Variants in USP3 observed in about 807,000 individuals in gnomAD.
The protein encoded by USP3 is ubiquitin specific peptidase 3, also known as ubiquitin carboxyl-terminal hydrolase 3.
In USP3, 20 loss-of-function variants were observed where a neutral mutation model predicts 72.3. The ratio of observed to expected loss-of-function variants is 0.28; its 90% CI spans 0.19 to 0.40. The LOEUF (loss-of-function observed/expected upper bound fraction) is 0.40, where lower values mean the gene tolerates loss of function less well. USP3 is among the 10% of genes least tolerant of loss of function. The pLI, the probability that USP3 is intolerant of heterozygous loss-of-function variation, is 1.00. For missense variants in USP3, 479 were observed against 633.9 expected, an observed-to-expected ratio of 0.76 and a Z score of 2.62; for synonymous variants, 222 against 225.3, an observed-to-expected ratio of 0.99 and a Z score of 0.13.
Position 63,553,826 on chromosome 15 carries a change from G to A in USP3, c.368+28G>A, listed in dbSNP as rs371496273. 2.4e-4 allele frequency: 387 copies of A among 1,593,450 alleles called. 1 individual carries two copies. Among genetic ancestry groups the A allele is most frequent in the African/African-American group, 1.4e-3 (102 of 73,856 alleles). On this transcript the variant is annotated intron_variant, in intron 4 of 14. Coordinates refer to ENST00000380324, the MANE Select transcript of USP3 (RefSeq NM_006537.4). The surrounding 1 kb of genome is among the most constrained non-coding windows in gnomAD (Gnocchi z 4.2). Reference sequence around the variant, plus strand: ...AAGTAATAGGCCTTTGGAAAAAGAAGGGCCTAAGAATGGGGTTGAGGAGTC... The same window carrying A: ...AAGTAATAGGCCTTTGGAAAAAGAAAGGCCTAAGAATGGGGTTGAGGAGTC...
Position 63,504,784 on chromosome 15 carries a change from C to T in USP3, c.45C>T (p.Asp15=), listed in dbSNP as rs543660207. 5 of 1,611,576 alleles carry T rather than the reference C, an allele frequency of 3.1e-6. No homozygotes were observed. Among genetic ancestry groups the T allele is most frequent in the Admixed American group, 3.3e-5 (2 of 59,884 alleles). ...GCTCCAGCGTCTGCATTGCTCCGGA[C>T]TCAGCCAAGTTCCCCAACGGCTCCC... ...HLSSSVCIAP[D]SAKFPNGSPS... is the part of the protein sequence containing the mutation. Residue 15 remains aspartate, a synonymous_variant, in exon 1 of 15, where the codon GAC becomes GAT. Transcript: ENST00000380324.
chr15:63,581,550 ATTTTTTT>A (rs56376454), intron 11 of USP3, among the ~76,000 whole-genome samples: 9 of 107,504 alleles, frequency 8.4e-5, no homozygotes, highest in South Asian at 2.8e-4. Flanking sequence ...CACCCGGCTA[ATTTTTTT>A]TTTTTTTTTT....
chr15:63,583,592 T>G (rs566300027), intron 11 of USP3, among the ~76,000 whole-genome samples: 92 of 152,216 alleles, frequency 6.0e-4, no homozygotes, highest in Admixed American at 1.9e-3. Context: ...TTGTAAAAAT[T>G]TTTGTCATCC....
In USP3 at chr15:63,588,640, C is replaced by A; in HGVS notation, c.1216-62C>A. 1 of 1,292,050 alleles carries A rather than the reference C, an allele frequency of 7.7e-7. No homozygotes were observed. The highest frequency in any genetic ancestry group is 1.3e-5 in the South Asian group (1 of 77,866). The allele number at this position is 1,292,050 out of a possible 1,614,324, so 80.0% of individuals were successfully genotyped here. A position where few individuals can be genotyped will look rare whatever the true frequency, so the allele number is the denominator to read the frequency against. On this transcript the variant is annotated intron_variant, in intron 12 of 14. Transcript: ENST00000380324. This position sits in a 1 kb window ranked among gnomAD's most constrained non-coding sequence, Gnocchi z 4.6. ...TTATTTACTGAACTGATAGTAGTAT[C>A]AAACTTTGACTGAAAGGTAAATTAG...
intron 11 of USP3, among the ~76,000 whole-genome samples, chr15:63,586,257 T>C (rs1358689746): frequency 2.6e-5 from 4 of 152,234 alleles, no homozygotes; most frequent in Non-Finnish European, 5.9e-5. Flanking sequence ...CTTCCTGATC[T>C]TGGAGGCAAA....
At chr15:63,542,318 C>A in intron 3 of USP3, 1 of 423,926 alleles carries the variant, frequency 2.4e-6, no homozygotes, top group Non-Finnish European at 3.2e-6. Context: ...TAAATAGCAC[C>A]ATGTGACTGC....
chr15:63,573,789 G>A (rs1177930272), intron 9 of USP3, among the ~76,000 whole-genome samples: 2 of 152,226 alleles, frequency 1.3e-5, no homozygotes, highest in Non-Finnish European at 2.9e-5. Flanking sequence ...CAAATGGCCA[G>A]TGTTAGTTAC....
intron 7 of USP3, among the ~76,000 whole-genome samples, chr15:63,560,579 G>T (rs2066592685): frequency 6.6e-6 from 1 of 151,644 alleles, no homozygotes; most frequent in South Asian, 2.1e-4. Flanking sequence ...ATTAGTCCAT[G>T]TGAGTTGATT....
At chr15:63,584,949 CT>C (rs2067030956) in intron 11 of USP3, among the ~76,000 whole-genome samples, 1 of 152,134 alleles carries the variant, frequency 6.6e-6, no homozygotes, top group Admixed American at 6.5e-5. Flanking sequence ...AAGAGTCCAA[CT>C]TAATTCTTCT....
intron 3 of USP3, among the ~76,000 whole-genome samples, chr15:63,546,521 C>A (rs936343193): frequency 1.3e-5 from 2 of 152,064 alleles, no homozygotes; most frequent in African/African-American, 4.8e-5. Context: ...TAATTCTGAC[C>A]AAAAAGCTTC....
chr15:63,556,440 C>A, intron 4 of USP3: 1 of 376,332 alleles, frequency 2.7e-6, no homozygotes. Flanking sequence ...GCCAGCTTTG[C>A]CAGGAGCAGT....
At chr15:63,558,997 G>C (rs1595747482) in intron 6 of USP3, among the ~76,000 whole-genome samples, 1 of 152,200 alleles carries the variant, frequency 6.6e-6, no homozygotes, top group Admixed American at 6.5e-5. Flanking sequence ...CAGACCCCTG[G>C]GTTACAGAGA....
At position 63,504,845 on chromosome 15, in the gene USP3, G is replaced by C. The variant is rs745466471; in HGVS notation, c.91+15G>C. 16 of 1,585,052 alleles carry C rather than the reference G, an allele frequency of 1.0e-5. No homozygotes were observed. Among genetic ancestry groups the C allele is most frequent in the South Asian group, 2.3e-5 (2 of 88,102 alleles). ...GTGCTGCAGCGGTGAGTGCGGCCACGGGCCGGCCCCGCAGCGCACCCGAGG... is the reference window on the plus strand; with the variant it reads ...GTGCTGCAGCGGTGAGTGCGGCCACCGGCCGGCCCCGCAGCGCACCCGAGG... On this transcript the variant is annotated intron_variant, in intron 1 of 14. Coordinates refer to ENST00000380324, the MANE Select transcript of USP3 (RefSeq NM_006537.4).
intron 11 of USP3, among the ~76,000 whole-genome samples, chr15:63,583,559 AAAT>A (rs2067001244): frequency 6.6e-6 from 1 of 152,172 alleles, no homozygotes; most frequent in African/African-American, 2.4e-5. Flanking sequence ...AGCACACCCA[AAAT>A]ATTATACAAC....
intron 9 of USP3, among the ~76,000 whole-genome samples, chr15:63,572,627 C>G (rs2066797877): frequency 6.6e-6 from 1 of 152,108 alleles, no homozygotes; most frequent in Admixed American, 6.5e-5. Context: ...TAGAATTGCT[C>G]GAGTAGGTTT....
intron 1 of USP3, chr15:63,527,742 G>A (rs1325150783): frequency 6.6e-6 from 1 of 152,212 alleles, no homozygotes; most frequent in Non-Finnish European, 1.5e-5. Flanking sequence ...GAACTCCCTG[G>A]TTTCTGCTCC....
At chr15:63,530,658 A>G (rs1451170281) in intron 1 of USP3, 1 of 409,064 alleles carries the variant, frequency 2.4e-6, no homozygotes, top group Non-Finnish European at 4.8e-6. Flanking sequence ...TTACTGGAGA[A>G]ACAAAATATT....
rs2067227567 is a variant in USP3 at position 63,592,715 on chromosome 15, C to CA, written c.*1890dup. The CA allele has an allele frequency of 6.6e-6, 1 of 151,700 alleles. No individual in the cohort carries two copies. The highest frequency in any genetic ancestry group is 6.6e-5 in the Admixed American group (1 of 15,228). The allele number at this position is 151,700 out of a possible 1,614,324, so 9.4% of individuals were successfully genotyped here. A position where few individuals can be genotyped will look rare whatever the true frequency, so the allele number is the denominator to read the frequency against. On this transcript the variant is annotated 3_prime_UTR_variant, in exon 15 of 15. Coordinates refer to ENST00000380324, the MANE Select transcript of USP3 (RefSeq NM_006537.4). ...CTTCCCAAGGTGCTAGCATTACAGG[C>CA]ATGAGCCACCACGCCCAGCCTGTTC...
chr15:63,532,742 T>G, intron 2 of USP3, 35 bp downstream of exon 2: 1 of 1,608,914 alleles, frequency 6.2e-7, no homozygotes. Context: ...CTGACCTATT[T>G]GCTTTTTAAA....
Sources: gnomAD v4.1 joint callset for allele counts (sites outside exome capture counted in the v4.1 genomes callset) on GRCh38, gnomAD v4.1.1 for gene constraint, Gnocchi (gnomAD v3.1) non-coding constraint, MANE v1.5 for transcripts, NCBI Gene and HGNC (gene_info 2026-07-23, HGNC 2026-07-21) for gene names.